The following TC2N variants were observed in gnomAD, a reference collection of about 807,000 sequenced individuals.
The protein encoded by TC2N is tandem C2 domains nuclear protein.
TC2N carries 51 observed loss-of-function variants against 61.9 expected under a neutral mutation model. The observed-to-expected ratio is 0.82, with a 90% CI of 0.66 to 1.04. TC2N has a LOEUF of 1.04. Among genes scored for constraint, TC2N ranks in the 50% least tolerant of loss-of-function variants. The probability of loss-of-function intolerance (pLI) is 0.00; values close to 1 mark genes in which losing one functional copy is unlikely to be tolerated. For synonymous variants in TC2N, 204 were observed against 192.6 expected, an observed-to-expected ratio of 1.06 and a Z score of -0.49; for missense variants, 556 against 566.7, an observed-to-expected ratio of 0.98 and a Z score of 0.19.
intron 1 of TC2N, among the ~76,000 whole-genome samples, chr14:91,826,319 G>GGA (rs1887499237): frequency 1.4e-5 from 2 of 139,976 alleles, no homozygotes; most frequent in Non-Finnish European, 3.1e-5. Flanking sequence ...GACCTTGTCT[G>GGA]AAAAAAAAAA....
chr14:91,848,875 C>T (rs1449182533), intron 1 of TC2N, among the ~76,000 whole-genome samples: 1 of 152,206 alleles, frequency 6.6e-6, no homozygotes, highest in Non-Finnish European at 1.5e-5. Context: ...CCCCAACATT[C>T]ACTATTTTGC....
At chr14:91,853,649 T>TACACACACACAC (rs71123304) in intron 1 of TC2N, among the ~76,000 whole-genome samples, 9 of 103,046 alleles carry the variant, frequency 8.7e-5, no homozygotes, top group African/African-American at 4.0e-4. Context: ...TTTTTTAAAG[T>TACACACACACAC]ACACACACAC....
chr14:91,825,636 T>G lies in TC2N; in HGVS notation c.-56-11811A>C, dbSNP rs578032948. On this transcript the variant is annotated intron_variant, in intron 1 of 11. Transcript: ENST00000435962. ...TACCTGATGTGCTAGAAACACACCA[T>G]TCTCTTTTTTACTTTTGCACCTTTG... is the stretch of plus-strand genomic sequence containing the variant. Among the ~76,000 whole-genome samples the G allele has an allele frequency of 5.3e-5, 8 of 152,320 alleles. No homozygotes were observed. In the East Asian group the frequency reaches 1.5e-3, roughly 29 times the overall value.
chr14:91,782,349 C>T lies in TC2N; in HGVS notation c.*751G>A, dbSNP rs1405195263. The T allele has an allele frequency of 6.6e-6, 1 of 152,000 alleles. No individual in the cohort carries two copies. The highest frequency in any genetic ancestry group is 1.5e-5 in the Non-Finnish European group (1 of 67,884). 9.4% of individuals were successfully genotyped at this position (152,000 alleles called of 1,614,324 possible). A position where few individuals can be genotyped will look rare whatever the true frequency, so the allele number is the denominator to read the frequency against. ...ATTAGGATGGACCATATGGATGATA[C>T]TCTTATTTTAACTCCAAATAAAACA... On this transcript the variant is annotated 3_prime_UTR_variant, in exon 12 of 12. Coordinates refer to ENST00000435962, the MANE Select transcript of TC2N (RefSeq NM_001128596.3).
At chr14:91,792,074 G>A (rs1036978230) in intron 9 of TC2N, among the ~76,000 whole-genome samples, 6 of 151,412 alleles carry the variant, frequency 4.0e-5, no homozygotes, top group Admixed American at 2.6e-4. Context: ...AGCCGAGATC[G>A]CACCACTGCA....
rs762568059 is a variant in TC2N, at chr14:91,802,255, C to T, written c.468G>A (p.Ser156=). The T allele has an allele frequency of 2.0e-5, 31 of 1,539,012 alleles. No individual in the cohort carries two copies. In the East Asian group the frequency reaches 3.3e-4, roughly 16 times the overall value. Residue 156 remains serine (S), a splice_region_variant and synonymous_variant, in exon 4 of 12, where the codon TCG becomes TCA. Coordinates refer to ENST00000435962, the MANE Select transcript of TC2N (RefSeq NM_001128596.3). ...PRSEVKRLYG[S]VCDLRTNKLP... Reference sequence around the variant, plus strand: ...GAAAAGCACAAAAGATCTTCATACCCGATCCATACAGTCTCTTCACTTCTG... The same window carrying T: ...GAAAAGCACAAAAGATCTTCATACCTGATCCATACAGTCTCTTCACTTCTG...
intron 8 of TC2N, among the ~76,000 whole-genome samples, chr14:91,793,399 C>A (rs1885752072): frequency 6.6e-6 from 1 of 152,102 alleles, no homozygotes; most frequent in Non-Finnish European, 1.5e-5. Flanking sequence ...TACAGGCATA[C>A]CTCATTTTAC....
chr14:91,799,393 T>C (rs1886103513), intron 5 of TC2N, among the ~76,000 whole-genome samples: 1 of 152,076 alleles, frequency 6.6e-6, no homozygotes, highest in Non-Finnish European at 1.5e-5. Context: ...AATAGCCTGC[T>C]ATGGAAAAAC....
chr14:91,813,270 G>C (rs910649498), intron 2 of TC2N, among the ~76,000 whole-genome samples: 1 of 151,650 alleles, frequency 6.6e-6, no homozygotes, highest in Admixed American at 6.6e-5. Context: ...ATTCATTCAA[G>C]GCATTTTTAA....
At chr14:91,836,577 A>AGGCGAGGCAAGGCAAAAAGG (rs1888020458) in intron 1 of TC2N, 1 of 80,738 alleles carries the variant, frequency 1.2e-5, no homozygotes, top group Non-Finnish European at 2.8e-5. Flanking sequence ...CTAAGGGGCG[A>AGGCGAGGCAAGGCAAAAAGG]GGCGAGGCAA....
At chr14:91,836,734 G>C (rs1052534833) in intron 1 of TC2N, among the ~76,000 whole-genome samples, 1 of 149,742 alleles carries the variant, frequency 6.7e-6, no homozygotes, top group Non-Finnish European at 1.5e-5. Flanking sequence ...GCGACTCCGC[G>C]CTTGGCAGCC....
At position 91,783,249 on chromosome 14, in the gene TC2N, A is replaced by T. The variant is rs769374364; in HGVS notation, c.1363-39T>A. 1.0e-5 allele frequency: 12 copies of T among 1,157,192 alleles called. No individual in the cohort carries two copies. In the African/African-American group the frequency reaches 1.7e-4, roughly 16 times the overall value. 71.7% of individuals were successfully genotyped at this position (1,157,192 alleles called of 1,614,324 possible). ...TATGTACAATCATTTAACTTGACACAATAATAATAACTACATTCAGACAGT... is the reference window on the plus strand; with the variant it reads ...TATGTACAATCATTTAACTTGACACTATAATAATAACTACATTCAGACAGT... On this transcript the variant is annotated intron_variant, in intron 11 of 11. Transcript: ENST00000435962.
At position 91,837,122 on chromosome 14, in the gene TC2N, C is replaced by CG. The variant is rs1888056898; in HGVS notation, c.-56-23298dup. Among the ~76,000 whole-genome samples the CG allele has an allele frequency of 6.6e-6, 1 of 152,198 alleles. No homozygotes were observed. Among genetic ancestry groups the CG allele is most frequent in the Non-Finnish European group, 1.5e-5 (1 of 68,028 alleles). ...GGGATCCCCTCTAACCCTGGTAAAG[C>CG]GGGGGGCCTGGCCCTTTTCTCTGGG... On this transcript the variant is annotated intron_variant, in intron 1 of 11. Transcript: ENST00000435962. This position sits in a 1 kb window ranked among gnomAD's most constrained non-coding sequence, Gnocchi z 4.2.
intron 1 of TC2N, among the ~76,000 whole-genome samples, chr14:91,814,357 CAA>C (rs57521276): frequency 1.0e-4 from 12 of 116,128 alleles, no homozygotes; most frequent in East Asian, 2.5e-4. Context: ...AGGGAAAGGT[CAA>C]AAAAAAAAAA....
chr14:91,789,265 C>T (rs1441992778), intron 9 of TC2N, among the ~76,000 whole-genome samples: 1 of 151,296 alleles, frequency 6.6e-6, no homozygotes, highest in Non-Finnish European at 1.5e-5. Flanking sequence ...AATTCATGTT[C>T]CAGGACATTA....
intron 1 of TC2N, among the ~76,000 whole-genome samples, chr14:91,841,196 C>T (rs1888155886): frequency 6.6e-6 from 1 of 152,176 alleles, no homozygotes; most frequent in Non-Finnish European, 1.5e-5. Context: ...GATGACAGCA[C>T]ATGAAACTGC....
At chr14:91,853,256 G>C (rs1286018211) in intron 1 of TC2N, among the ~76,000 whole-genome samples, 1 of 152,140 alleles carries the variant, frequency 6.6e-6, no homozygotes, top group Non-Finnish European at 1.5e-5. Flanking sequence ...GAAGGGACAG[G>C]GGCAGAGGTG....
At chr14:91,853,947 T>TAC (rs1398754482) in intron 1 of TC2N, among the ~76,000 whole-genome samples, 1 of 152,152 alleles carries the variant, frequency 6.6e-6, no homozygotes, top group African/African-American at 2.4e-5. Flanking sequence ...AGTTTCAAAA[T>TAC]ATTCGTGTAA....
intron 1 of TC2N, among the ~76,000 whole-genome samples, chr14:91,864,688 A>G (rs1302727504): frequency 3.9e-5 from 6 of 152,160 alleles, no homozygotes; most frequent in Admixed American, 1.3e-4. Context: ...GTGGCCTTAA[A>G]TCAATGTTAA....
Sources: gnomAD v4.1 joint callset for allele counts (sites outside exome capture counted in the v4.1 genomes callset) on GRCh38, gnomAD v4.1.1 for gene constraint, Gnocchi (gnomAD v3.1) non-coding constraint, MANE v1.5 for transcripts, NCBI Gene and HGNC (gene_info 2026-07-23, HGNC 2026-07-21) for gene names.